Variants in MARS1 observed in about 807,000 individuals in gnomAD.
MARS1 encodes methionine--tRNA ligase, cytoplasmic.
In MARS1, 80 loss-of-function variants were observed where a neutral mutation model predicts 119.5. The ratio of observed to expected loss-of-function variants is 0.67; its 90% CI spans 0.56 to 0.81. The LOEUF (loss-of-function observed/expected upper bound fraction) is 0.81. Among genes scored for constraint, MARS1 ranks in the 30% least tolerant of loss-of-function variants. MARS1 has a pLI of 0.00. For synonymous variants in MARS1, 418 were observed against 433.4 expected, an observed-to-expected ratio of 0.96 and a Z score of 0.44; for missense variants, 945 against 1,116.5, an observed-to-expected ratio of 0.85 and a Z score of 2.19.
At chr12:57,490,171 T>C (rs1459096294) in intron 5 of MARS1, 36 bp from the exon 6 acceptor site, 1 of 1,596,142 alleles carries the variant, frequency 6.3e-7, no homozygotes, top group Non-Finnish European at 8.5e-7. Flanking sequence ...ACCAGGTCCT[T>C]ATGTTTGCTG....
intron 15 of MARS1, among the ~76,000 whole-genome samples, 200 bp downstream of exon 15, chr12:57,513,164 T>C (rs1877607924): frequency 6.6e-6 from 1 of 152,212 alleles, no homozygotes; most frequent in Admixed American, 6.5e-5. Context: ...GCTGTAGAGA[T>C]GTGATTTAGC....
At chr12:57,507,083 T>C (rs36182183) in intron 11 of MARS1, among the ~76,000 whole-genome samples, 25,992 of 149,338 alleles carry the variant, frequency 0.17, 2,358 homozygotes, top group East Asian at 0.26. Context: ...CAAGCATCTG[T>C]TTAACAAAGC....
rs183042263 is a variant in MARS1, at chr12:57,512,967, A to G, written c.1967+3A>G. 21 of 1,613,766 alleles carry G rather than the reference A, an allele frequency of 1.3e-5. No individual in the cohort carries two copies. Among genetic ancestry groups the G allele is most frequent in the South Asian group, 1.2e-4 (11 of 91,070 alleles). On this transcript the variant is annotated splice_donor_region_variant and intron_variant, in intron 15 of 20. Coordinates refer to ENST00000262027, the MANE Select transcript of MARS1 (RefSeq NM_004990.4). ...AACCTGGGCAACTTCATCAACAGGT[A>G]GGACTTGGTAAGGGGTCAGAGTTAG... is the stretch of plus-strand genomic sequence containing the variant.
Position 57,488,500 on chromosome 12 carries a change from C to T in MARS1, c.109+301C>T. On this transcript the variant is annotated intron_variant, in intron 1 of 20. Coordinates refer to ENST00000262027, the MANE Select transcript of MARS1 (RefSeq NM_004990.4). The stretch of plus-strand genomic sequence containing the variant: ...CCAACCTTCTCCTACACCTATCAGG[C>T]ATCCCCCTCTGCTCTTTAGTTACTA... 3 of 1,418,574 alleles carry T rather than the reference C, an allele frequency of 2.1e-6. No individual in the cohort carries two copies. The South Asian group carries it at 3.7e-5, about 18-fold the overall frequency. 87.9% of individuals were successfully genotyped at this position (1,418,574 alleles called of 1,614,324 possible).
intron 7 of MARS1, among the ~76,000 whole-genome samples, chr12:57,493,013 G>A (rs1329228015): frequency 6.6e-6 from 1 of 151,834 alleles, no homozygotes; most frequent in Non-Finnish European, 1.5e-5. Flanking sequence ...TTACCTGCCT[G>A]ATGCACAACT....
chr12:57,502,566 T>G (rs1264064116), intron 10 of MARS1, among the ~76,000 whole-genome samples: 2 of 150,974 alleles, frequency 1.3e-5, no homozygotes, highest in Non-Finnish European at 3.0e-5. Context: ...ATTAGCTGAG[T>G]GTGGTGGTGC....
rs764006401 is a variant in MARS1 at position 57,489,959 on chromosome 12, G to A, written c.478G>A (p.Ala160Thr). Residue 160 changes from alanine to threonine, a missense_variant, in exon 5 of 21, where the codon GCC becomes ACC. Coordinates refer to ENST00000262027, the MANE Select transcript of MARS1 (RefSeq NM_004990.4). ...CCTATACCCATTACTGCAAGATCCCGCCTACCTCCCTGGTGAGAACTGTGC... is the reference window on the plus strand; with the variant it reads ...CCTATACCCATTACTGCAAGATCCCACCTACCTCCCTGGTGAGAACTGTGC... The part of the protein sequence containing the change: ...GALYPLLQDP[A>T]YLPEELSALH... 22 of 1,613,850 alleles carry A rather than the reference G, an allele frequency of 1.4e-5. No individual in the cohort carries two copies. In the East Asian group the frequency reaches 1.6e-4, roughly 11 times the overall value.
chr12:57,493,312 TTATATAA>T (rs1368790951), intron 7 of MARS1, among the ~76,000 whole-genome samples: 1 of 104,454 alleles, frequency 9.6e-6, no homozygotes, highest in Non-Finnish European at 1.8e-5. Context: ...ATAATATATA[TTATATAA>T]TATATTATAT....
intron 14 of MARS1, 73 bp downstream of exon 14, chr12:57,512,426 C>G (rs1877566759): frequency 1.9e-6 from 2 of 1,028,134 alleles, no homozygotes; most frequent in Non-Finnish European, 3.0e-6. Flanking sequence ...GGAAAAAGAT[C>G]TTGGAGAGCT....
At chr12:57,515,395 T>G in intron 18 of MARS1, 59 bp downstream of exon 18, 1 of 1,537,538 alleles carries the variant, frequency 6.5e-7, no homozygotes. Context: ...GCTTTTGGAG[T>G]GGGTGAGAGA....
intron 1 of MARS1, 93 bp downstream of exon 1, chr12:57,488,292 T>A: frequency 3.4e-6 from 4 of 1,186,398 alleles, no homozygotes; most frequent in Admixed American, 3.8e-5. Flanking sequence ...CCCCTAGCCC[T>A]CGCCACACAC....
Position 57,512,982 on chromosome 12 carries a change from G to A in MARS1, c.1967+18G>A, listed in dbSNP as rs1372892753. 6.2e-7 allele frequency: 1 copy of A among 1,609,730 alleles called. No homozygotes were observed. On this transcript the variant is annotated intron_variant, in intron 15 of 20. Coordinates refer to ENST00000262027, the MANE Select transcript of MARS1 (RefSeq NM_004990.4). Reference sequence around the variant, plus strand: ...ATCAACAGGTAGGACTTGGTAAGGGGTCAGAGTTAGCAGTGAGCTGGGGTG... The same window carrying A: ...ATCAACAGGTAGGACTTGGTAAGGGATCAGAGTTAGCAGTGAGCTGGGGTG...
At position 57,512,893 on chromosome 12, in the gene MARS1, T is replaced by C; in HGVS notation, c.1896T>C (p.Ala632=). ...LYIRPEGQDS[A]FSWTDLLLKN... Reference sequence around the variant, plus strand: ...TTCGGCCTGAGGGCCAGGACAGTGCTTTCTCCTGGACGGACCTGCTGCTGA... The same window carrying C: ...TTCGGCCTGAGGGCCAGGACAGTGCCTTCTCCTGGACGGACCTGCTGCTGA... The change falls in exon 15 of 21, where the codon GCT becomes GCC. Residue 632 remains alanine (A), a synonymous_variant. Coordinates refer to ENST00000262027, the MANE Select transcript of MARS1 (RefSeq NM_004990.4). 6.2e-7 allele frequency: 1 copy of C among 1,614,226 alleles called. No individual in the cohort carries two copies.
In MARS1 at chr12:57,501,292, C is replaced by T. The variant is rs140444529; in HGVS notation, c.1293+770C>T. On this transcript the variant is annotated intron_variant, in intron 10 of 20. Coordinates refer to ENST00000262027, the MANE Select transcript of MARS1 (RefSeq NM_004990.4). ...GTGAGAGAGATGGCAGGGGCCAGAT[C>T]ACCAGGGCCTGTGAAGCCATTGTGG... Among the ~76,000 whole-genome samples, 839 of 152,342 alleles carry T rather than the reference C, an allele frequency of 5.5e-3. 9 individuals are homozygous for T. Among genetic ancestry groups the T allele is most frequent in the African/African-American group, 0.019 (783 of 41,578 alleles).
At chr12:57,500,103 T>C in intron 9 of MARS1, 1 of 567,274 alleles carries the variant, frequency 1.8e-6, no homozygotes, top group Non-Finnish European at 3.2e-6. Context: ...TTCTAAAGTG[T>C]TGAGGGGAAA....
intron 9 of MARS1, among the ~76,000 whole-genome samples, chr12:57,498,975 A>C (rs1389534709): frequency 6.6e-6 from 1 of 152,208 alleles, no homozygotes; most frequent in East Asian, 1.9e-4. Context: ...CCTCTGCCTA[A>C]TACTCATCCT....
At chr12:57,490,738 C>A in intron 7 of MARS1, 94 bp downstream of exon 7, 2 of 817,840 alleles carry the variant, frequency 2.4e-6, no homozygotes, top group Non-Finnish European at 4.0e-6. Context: ...GTTTGCTGAT[C>A]TCTCTTTAAT....
At chr12:57,490,875 CTTT>C (rs34238800) in intron 7 of MARS1, among the ~76,000 whole-genome samples, 1 of 101,044 alleles carries the variant, frequency 9.9e-6, no homozygotes, top group African/African-American at 3.9e-5. Context: ...CTTGTCTATC[CTTT>C]TTTTTTTTTT....
intron 18 of MARS1, 123 bp downstream of exon 18, chr12:57,515,459 T>C: frequency 2.1e-6 from 2 of 931,134 alleles, no homozygotes. Flanking sequence ...AAGTTTCTGA[T>C]ATAAAGTCCT....
Sources: gnomAD v4.1 joint callset for allele counts (sites outside exome capture counted in the v4.1 genomes callset) on GRCh38, gnomAD v4.1.1 for gene constraint, MANE v1.5 for transcripts, NCBI Gene and HGNC (gene_info 2026-07-23, HGNC 2026-07-21) for gene names.